SPATA19: variants seen among roughly 807,000 people sequenced by gnomAD.
SPATA19 encodes spermatogenesis-associated protein 19, mitochondrial.
SPATA19 carries 19 observed loss-of-function variants against 25.0 expected under a neutral mutation model. The ratio of observed to expected loss-of-function variants is 0.76; its 90% confidence interval spans 0.53 to 1.11. The LOEUF (loss-of-function observed/expected upper bound fraction) is 1.11, where lower values mean the gene tolerates loss of function less well. SPATA19 is among the 50% of genes most tolerant of loss of function. The pLI, the probability that SPATA19 is intolerant of heterozygous loss-of-function variation, is 0.00. For synonymous variants in SPATA19, 64 were observed against 69.3 expected (o/e 0.92, Z 0.38); for missense variants, 222 against 211.4 (o/e 1.05, Z -0.31).
In SPATA19 at chr11:133,842,527, G is replaced by T; in HGVS notation, c.395C>A (p.Thr132Lys). The change falls in exon 5 of 7, where the codon ACA becomes AAA. Residue 132 changes from threonine (T) to lysine (K), a missense_variant. Transcript: ENST00000299140. ...TRIFQVPSEM[T>K]EDIMRDRIEQ... ...TATTCGATCTCGCATGATGTCCTCTGTCATCTCACTTGGCACTTGGAAGAT... is the reference window on the plus strand; with the variant it reads ...TATTCGATCTCGCATGATGTCCTCTTTCATCTCACTTGGCACTTGGAAGAT... The T allele has an allele frequency of 6.2e-7, 1 of 1,613,996 alleles. No individual in the cohort carries two copies. Among genetic ancestry groups the T allele is most frequent in the Non-Finnish European group, 8.5e-7 (1 of 1,179,962 alleles).
At chr11:133,837,773 G>A (rs760573428), downstream of SPATA19, among the ~76,000 whole-genome samples, 50 of 151,990 alleles carry the variant, frequency 3.3e-4, no homozygotes, top group Non-Finnish European at 4.6e-4. Flanking sequence ...CCCCTCCCAC[G>A]CACTTATCAC....
downstream of SPATA19, among the ~76,000 whole-genome samples, chr11:133,838,304 C>T (rs1432642998): frequency 6.6e-6 from 1 of 152,012 alleles, no homozygotes; most frequent in Non-Finnish European, 1.5e-5. Context: ...AAAGAAAATG[C>T]CAGTAATCAA....
Position 133,844,514 on chromosome 11 carries a change from C to G in SPATA19, c.262G>C (p.Asp88His). The change falls in exon 3 of 7, where the codon GAT (aspartate) becomes CAT (histidine). Residue 88 changes from aspartate (D) to histidine (H), a missense_variant. Transcript: ENST00000299140. Reference sequence around the variant, plus strand: ...GGTCTCAAACTCTCATTTACCACATCTCTGGTCACGTGGATGTCCTGGCCA... The same window carrying G: ...GGTCTCAAACTCTCATTTACCACATGTCTGGTCACGTGGATGTCCTGGCCA... ...THGQDIHVTR[D>H]VVKHHLSKSD... The G allele has an allele frequency of 6.2e-7, 1 of 1,614,202 alleles. No individual in the cohort carries two copies. The highest frequency in any genetic ancestry group is 8.5e-7 in the Non-Finnish European group (1 of 1,180,034).
Position 133,842,554 on chromosome 11 carries a change from C to T in SPATA19, c.368G>A (p.Arg123His), listed in dbSNP as rs761176028. ...CATCTCACTTGGCACTTGGAAGATA[C>T]GAGTGTGGCTGCAAAAGGCCATTCG... The part of the protein sequence containing the change: ...RIQFIRWSHT[R>H]IFQVPSEMTE... The change falls in exon 5 of 7, where the codon CGT (arginine) becomes CAT (histidine). Residue 123 changes from arginine to histidine, a missense_variant. Physicochemically the swap from Arg to His is conservative, Grantham distance 29. Coordinates refer to ENST00000299140, the MANE Select transcript of SPATA19 (RefSeq NM_174927.3). 2.0e-5 allele frequency: 32 copies of T among 1,613,580 alleles called. 1 individual carries two copies. In the South Asian group the frequency reaches 2.9e-4, roughly 14 times the overall value.
chr11:133,845,332 A>G, intron 1 of SPATA19, 37 bp downstream of exon 1: 4 of 1,559,352 alleles, frequency 2.6e-6, no homozygotes, highest in Non-Finnish European at 3.5e-6. Context: ...AAGATATATG[A>G]AAAATTATTC....
downstream of SPATA19, among the ~76,000 whole-genome samples, chr11:133,837,491 C>T (rs1365882248): frequency 1.3e-5 from 2 of 152,178 alleles, no homozygotes; most frequent in Middle Eastern, 3.2e-3. Flanking sequence ...TAGCTCCTCA[C>T]AATGAAAAGA....
At position 133,840,916 on chromosome 11, in the gene SPATA19, A is replaced by C. The variant is rs77684109; in HGVS notation, c.*17T>G. ...ACCCCACTGTTCTCCGCGTTCCCAAAGCTCCATCTAGAGAGCAGAAACCCA... is the reference window on the plus strand; with the variant it reads ...ACCCCACTGTTCTCCGCGTTCCCAACGCTCCATCTAGAGAGCAGAAACCCA... On this transcript the variant is annotated 3_prime_UTR_variant, in exon 7 of 7. Coordinates refer to ENST00000299140, the MANE Select transcript of SPATA19 (RefSeq NM_174927.3). 7.9e-4 allele frequency: 120 copies of C among 152,302 alleles called. No individual in the cohort carries two copies. The highest frequency in any genetic ancestry group is 2.8e-3 in the African/African-American group (116 of 41,544). The allele number at this position is 152,302 out of a possible 1,614,324, so 9.4% of individuals were successfully genotyped here.
chr11:133,844,635 T>C lies in SPATA19; in HGVS notation c.141A>G (p.Glu47=). Reference sequence around the variant, plus strand: ...CCTTTATGCCCCGAGAAGCCTCTTCTTCTGTCTGAAAGGTGAGAAATTCCC... The same window carrying C: ...CCTTTATGCCCCGAGAAGCCTCTTCCTCTGTCTGAAAGGTGAGAAATTCCC... ...SVLHHWLKKT[E]EEASRGIKEK... Residue 47 remains glutamate, a synonymous_variant, in exon 3 of 7, where the codon GAA becomes GAG. Coordinates refer to ENST00000299140, the MANE Select transcript of SPATA19 (RefSeq NM_174927.3). 6.2e-7 allele frequency: 1 copy of C among 1,603,292 alleles called. No individual in the cohort carries two copies. The highest frequency in any genetic ancestry group is 1.7e-5 in the Admixed American group (1 of 58,962).
At chr11:133,839,824 G>A (rs371830713), downstream of SPATA19, among the ~76,000 whole-genome samples, 38 of 152,084 alleles carry the variant, frequency 2.5e-4, 1 homozygote, top group East Asian at 4.3e-3. Context: ...TATGTGTAAC[G>A]GGAAGACAAG....
At chr11:133,839,038 C>A (rs1938255657), downstream of SPATA19, among the ~76,000 whole-genome samples, 1 of 152,170 alleles carries the variant, frequency 6.6e-6, no homozygotes, top group South Asian at 2.1e-4. Flanking sequence ...ACAACAGGTG[C>A]TGGAGAGGAT....
chr11:133,840,279 C>T (rs1938278661), downstream of SPATA19, among the ~76,000 whole-genome samples: 1 of 152,168 alleles, frequency 6.6e-6, no homozygotes, highest in Non-Finnish European at 1.5e-5. Flanking sequence ...GTACAGCTAC[C>T]TTGCAAGAAA....
rs766429124 is a variant in SPATA19 at position 133,844,509 on chromosome 11, C to T, written c.267G>A (p.Val89=). Residue 89 remains valine, a splice_region_variant and synonymous_variant, in exon 3 of 7, where the codon GTG becomes GTA. Transcript: ENST00000299140. The part of the protein sequence containing the change: ...HGQDIHVTRD[V]VKHHLSKSDL... ...GGCAAGGTCTCAAACTCTCATTTAC[C>T]ACATCTCTGGTCACGTGGATGTCCT... The T allele has an allele frequency of 1.9e-6, 3 of 1,614,138 alleles. No individual in the cohort carries two copies. Among genetic ancestry groups the T allele is most frequent in the East Asian group, 2.2e-5 (1 of 44,872 alleles).
chr11:133,838,516 T>C (rs1247098707), downstream of SPATA19, among the ~76,000 whole-genome samples: 1 of 152,178 alleles, frequency 6.6e-6, no homozygotes, highest in Non-Finnish European at 1.5e-5. Context: ...TTACACCTTA[T>C]ACAAAAATCA....
chr11:133,841,953 C>A, intron 6 of SPATA19, 77 bp downstream of exon 6: 1 of 1,375,008 alleles, frequency 7.3e-7, no homozygotes, highest in East Asian at 2.3e-5. Flanking sequence ...TTACCAAGTT[C>A]CCAGCTGCAG....
chr11:133,838,210 G>A (rs1938243163), downstream of SPATA19, among the ~76,000 whole-genome samples: 1 of 152,196 alleles, frequency 6.6e-6, no homozygotes, highest in South Asian at 2.1e-4. Flanking sequence ...AATATGCTAA[G>A]GGCTCTAATG....
chr11:133,844,452 C>T, intron 3 of SPATA19, 57 bp downstream of exon 3: 1 of 1,613,536 alleles, frequency 6.2e-7, no homozygotes, highest in African/African-American at 1.3e-5. Flanking sequence ...GTGCACCTCC[C>T]ACCTCTCCCC....
chr11:133,839,351 AT>A (rs1289022269), downstream of SPATA19, among the ~76,000 whole-genome samples: 1 of 152,248 alleles, frequency 6.6e-6, no homozygotes, highest in African/African-American at 2.4e-5. Context: ...CTATGCAGCC[AT>A]AAAAAATGAT....
At position 133,844,493 on chromosome 11, in the gene SPATA19, T is replaced by A; in HGVS notation, c.267+16A>T. ...CTCACCGCTACTCCCAGGCAAGGTC[T>A]CAAACTCTCATTTACCACATCTCTG... is the stretch of plus-strand genomic sequence containing the variant. On this transcript the variant is annotated intron_variant, in intron 3 of 6. Transcript: ENST00000299140. 6.2e-7 allele frequency: 1 copy of A among 1,614,142 alleles called. No individual in the cohort carries two copies. The highest frequency in any genetic ancestry group is 1.3e-5 in the African/African-American group (1 of 75,034).
chr11:133,837,147 C>A (rs1188381993), downstream of SPATA19, among the ~76,000 whole-genome samples: 1 of 152,176 alleles, frequency 6.6e-6, no homozygotes, highest in Non-Finnish European at 1.5e-5. Context: ...GCTTGGAAGT[C>A]ATCACTCTCA....
Sources: allele counts gnomAD v4.1 joint callset (sites outside exome capture counted in the v4.1 genomes callset), GRCh38; gene constraint gnomAD v4.1.1; transcripts MANE v1.5; gene names NCBI Gene and HGNC (gene_info 2026-07-23, HGNC 2026-07-21).